Variants in NBEA observed in about 807,000 individuals in gnomAD.
NBEA encodes the protein lysosomal-trafficking regulator 2.
In NBEA, 44 loss-of-function variants were observed where a neutral mutation model predicts 343.4. The ratio of observed to expected loss-of-function variants is 0.13; its 90% confidence interval spans 0.10 to 0.16. The LOEUF is 0.16. NBEA is among the 10% of genes least tolerant of loss of function. The pLI is 1.00. For synonymous variants in NBEA, 1,175 were observed against 1,238.7 expected, an observed-to-expected ratio of 0.95 and a Z score of 1.08; for missense variants, 2,555 against 3,631.3, an observed-to-expected ratio of 0.70 and a Z score of 7.62.
At chr13:35,238,212 A>G (rs868838633) in intron 34 of NBEA, among the ~76,000 whole-genome samples, 2 of 152,210 alleles carry the variant, frequency 1.3e-5, no homozygotes, top group Admixed American at 1.3e-4. Context: ...TTTATGTTCT[A>G]TTGGGAGCTC....
chr13:35,282,903 T>C (rs972085692), intron 34 of NBEA, among the ~76,000 whole-genome samples: 1 of 152,168 alleles, frequency 6.6e-6, no homozygotes, highest in Non-Finnish European at 1.5e-5. Flanking sequence ...AAGATCCTTA[T>C]AGATAGTGCA....
chr13:35,624,633 T>C (rs1389245565), intron 48 of NBEA, among the ~76,000 whole-genome samples: 2 of 151,830 alleles, frequency 1.3e-5, no homozygotes, highest in African/African-American at 4.8e-5. Context: ...TAGCACATAT[T>C]GAGATATGTA....
intron 30 of NBEA, among the ~76,000 whole-genome samples, chr13:35,188,669 T>G (rs2071919415): frequency 6.6e-6 from 1 of 152,114 alleles, no homozygotes; most frequent in African/African-American, 2.4e-5. Context: ...TTGACTATTG[T>G]GAATAATGCT....
intron 36 of NBEA, among the ~76,000 whole-genome samples, chr13:35,347,250 A>T (rs2152861463): frequency 6.6e-6 from 1 of 152,260 alleles, no homozygotes; most frequent in East Asian, 1.9e-4. Context: ...TTTAGTAAGT[A>T]CAGAAATTAA....
At chr13:35,573,485 T>C (rs576604955) in intron 45 of NBEA, among the ~76,000 whole-genome samples, 1 of 152,294 alleles carries the variant, frequency 6.6e-6, no homozygotes, top group South Asian at 2.1e-4. Context: ...AGTGTTTTTG[T>C]GTTTGTTTGT....
At chr13:35,651,313 C>T (rs543696076) in intron 52 of NBEA, among the ~76,000 whole-genome samples, 98 of 152,232 alleles carry the variant, frequency 6.4e-4, no homozygotes, top group African/African-American at 2.0e-3. Context: ...AAAAAGGCCC[C>T]ATTGGATGGG....
intron 34 of NBEA, among the ~76,000 whole-genome samples, chr13:35,244,184 A>G (rs1452790927): frequency 6.6e-6 from 1 of 151,934 alleles, no homozygotes; most frequent in Non-Finnish European, 1.5e-5. Flanking sequence ...ATTTTGAATA[A>G]TAGAAATAAA....
chr13:35,341,057 A>G (rs2039556991), intron 36 of NBEA, among the ~76,000 whole-genome samples: 1 of 152,086 alleles, frequency 6.6e-6, no homozygotes, highest in African/African-American at 2.4e-5. Context: ...GACAAATTTA[A>G]TAGAATTGAG....
At chr13:35,504,828 C>T (rs1482399427) in intron 41 of NBEA, among the ~76,000 whole-genome samples, 2 of 151,982 alleles carry the variant, frequency 1.3e-5, no homozygotes, top group African/African-American at 2.4e-5. Context: ...AGGCTAGTCT[C>T]GAACTCCTGG....
intron 13 of NBEA, among the ~76,000 whole-genome samples, chr13:35,113,545 G>T (rs1208783466): frequency 2.0e-5 from 3 of 151,858 alleles, no homozygotes; most frequent in East Asian, 3.8e-4. Context: ...AATTAAGTTG[G>T]CATATCTACT....
At chr13:35,206,221 A>G (rs920575140) in intron 31 of NBEA, among the ~76,000 whole-genome samples, 1 of 152,100 alleles carries the variant, frequency 6.6e-6, no homozygotes, top group Non-Finnish European at 1.5e-5. Flanking sequence ...CATAGCTTCC[A>G]CATTAGACAA....
chr13:35,518,406 A>G (rs757940868), intron 41 of NBEA, among the ~76,000 whole-genome samples: 2 of 152,206 alleles, frequency 1.3e-5, no homozygotes, highest in Non-Finnish European at 2.9e-5. Flanking sequence ...TCCAAATCAC[A>G]AAAGCAGTAA....
intron 1 of NBEA, among the ~76,000 whole-genome samples, chr13:35,019,135 G>GTTGCC (rs1293287434): frequency 6.6e-6 from 1 of 151,132 alleles, no homozygotes; most frequent in Non-Finnish European, 1.5e-5. Flanking sequence ...TTTTTAATAT[G>GTTGCC]TTGCTGGATT....
intron 17 of NBEA, among the ~76,000 whole-genome samples, chr13:35,138,863 T>C (rs2067898307): frequency 6.6e-6 from 1 of 152,224 alleles, no homozygotes; most frequent in African/African-American, 2.4e-5. Context: ...TAGAACAATT[T>C]CCATTGTATT....
At chr13:35,651,031 C>A (rs1347330494) in intron 52 of NBEA, among the ~76,000 whole-genome samples, 1 of 152,130 alleles carries the variant, frequency 6.6e-6, no homozygotes, top group African/African-American at 2.4e-5. Context: ...CAGAGATAGG[C>A]AGCACATATC....
chr13:35,256,110 G>A (rs1171468040), intron 34 of NBEA, among the ~76,000 whole-genome samples: 1 of 152,172 alleles, frequency 6.6e-6, no homozygotes, highest in Non-Finnish European at 1.5e-5. Flanking sequence ...CTATCTGCAG[G>A]CAGGTTGTCC....
chr13:35,115,600 T>G (rs2152666705), intron 13 of NBEA, among the ~76,000 whole-genome samples: 1 of 152,306 alleles, frequency 6.6e-6, no homozygotes, highest in South Asian at 2.1e-4. Flanking sequence ...TAGTATTATT[T>G]GGGGATTTGT....
At chr13:35,029,232 TTAGTCTATAACACCA>T (rs1283382062) in intron 1 of NBEA, among the ~76,000 whole-genome samples, 2 of 151,656 alleles carry the variant, frequency 1.3e-5, no homozygotes, top group East Asian at 3.9e-4. Context: ...ATATAAACAT[TTAGTCTATAACACCA>T]TAGTCTATAA....
intron 41 of NBEA, among the ~76,000 whole-genome samples, chr13:35,492,268 C>T (rs915923533): frequency 6.6e-6 from 1 of 151,838 alleles, no homozygotes; most frequent in Admixed American, 6.6e-5. Flanking sequence ...GAGATGGGTG[C>T]ACCAAAATCT....
Sources: gnomAD v4.1 joint callset for allele counts (sites outside exome capture counted in the v4.1 genomes callset) on GRCh38, gnomAD v4.1.1 for gene constraint, MANE v1.5 for transcripts, NCBI Gene and HGNC (gene_info 2026-07-23, HGNC 2026-07-21) for gene names.